The following NALCN variants were observed in gnomAD, a reference collection of about 807,000 sequenced individuals.
NALCN encodes the protein sodium leak channel NALCN.
NALCN carries 111 observed loss-of-function variants against 225.3 expected under a neutral mutation model. The ratio of observed to expected loss-of-function variants is 0.49; its 90% confidence interval spans 0.42 to 0.58. The LOEUF (loss-of-function observed/expected upper bound fraction) is 0.58, where lower values mean the gene tolerates loss of function less well. Ranked by LOEUF, NALCN falls within the 20% of genes least tolerant of loss-of-function variation. NALCN has a pLI of 0.00. For missense variants in NALCN, 1,378 were observed against 2,202.4 expected (o/e 0.63, Z 7.49); for synonymous variants, 764 against 769.0 (o/e 0.99, Z 0.11).
At chr13:101,103,576 G>C (rs2034942319) in intron 25 of NALCN, among the ~76,000 whole-genome samples, 1 of 152,166 alleles carries the variant, frequency 6.6e-6, no homozygotes, top group Non-Finnish European at 1.5e-5. Flanking sequence ...GTGTGTGTGT[G>C]TGTACACCAG....
chr13:101,372,732 T>C (rs2046575344), intron 6 of NALCN, among the ~76,000 whole-genome samples: 1 of 152,120 alleles, frequency 6.6e-6, no homozygotes, highest in Non-Finnish European at 1.5e-5. Flanking sequence ...TATTTTTAAA[T>C]TATTGTATTA....
intron 7 of NALCN, among the ~76,000 whole-genome samples, chr13:101,327,236 G>A (rs1023475707): frequency 6.6e-6 from 1 of 152,004 alleles, no homozygotes; most frequent in East Asian, 1.9e-4. Context: ...CAATGATAGC[G>A]CTTTTGCATG....
chr13:101,171,228 CTG>C (rs1322470559), intron 15 of NALCN, among the ~76,000 whole-genome samples: 1 of 148,526 alleles, frequency 6.7e-6, no homozygotes, highest in Non-Finnish European at 1.5e-5. Context: ...TTTTTATATA[CTG>C]TTACATATAT....
intron 15 of NALCN, among the ~76,000 whole-genome samples, chr13:101,167,273 T>C (rs942863236): frequency 1.9e-4 from 29 of 152,226 alleles, no homozygotes; most frequent in African/African-American, 5.8e-4. Flanking sequence ...TTACGAAAGA[T>C]TGCATTGAAT....
At chr13:101,200,699 T>C (rs894275821) in intron 13 of NALCN, among the ~76,000 whole-genome samples, 2 of 152,096 alleles carry the variant, frequency 1.3e-5, no homozygotes, top group African/African-American at 4.8e-5. Context: ...TAGCAGAAGA[T>C]CCTTTTCTCT....
chr13:101,354,962 G>A (rs1054864364), intron 6 of NALCN, among the ~76,000 whole-genome samples: 11 of 152,302 alleles, frequency 7.2e-5, no homozygotes, highest in African/African-American at 2.4e-4. Flanking sequence ...CACAGGGGCA[G>A]AACCCTCATG....
At chr13:101,127,303 C>T (rs750996388) in intron 17 of NALCN, among the ~76,000 whole-genome samples, 10 of 152,086 alleles carry the variant, frequency 6.6e-5, no homozygotes, top group Admixed American at 2.0e-4. Context: ...CCAGAGGTAG[C>T]AGGAGAATCA....
At chr13:101,253,903 C>T (rs2042135095) in intron 11 of NALCN, among the ~76,000 whole-genome samples, 1 of 152,028 alleles carries the variant, frequency 6.6e-6, no homozygotes, top group Non-Finnish European at 1.5e-5. Flanking sequence ...CTCAAGACAT[C>T]TTTATAAACT....
chr13:101,143,150 G>T lies in NALCN; in HGVS notation c.2048C>A (p.Thr683Asn). ...GTGGTCGCAGGAGGAGGAAGAGGTG[G>T]TCGGGAGGCTTCTCAGGAGGCAACA... ...DTCCLLRSLP[T>N]TSSSSCDHSK... The change falls in exon 17 of 44, where the codon ACC becomes AAC. Residue 683 changes from threonine (T) to asparagine (N), a missense_variant. By Grantham distance (65) the Thr-to-Asn change is moderately conservative. This residue lies in a region of NALCN where 100 missense variants were observed against 89.4 expected (regional missense o/e 1.12). Coordinates refer to ENST00000251127, the MANE Select transcript of NALCN (RefSeq NM_052867.4). 6.2e-7 allele frequency: 1 copy of T among 1,614,124 alleles called. No homozygotes were observed. The highest frequency in any genetic ancestry group is 8.5e-7 in the Non-Finnish European group (1 of 1,180,018).
At chr13:101,404,568 T>C (rs185587942) in intron 1 of NALCN, among the ~76,000 whole-genome samples, 1 of 132,568 alleles carries the variant, frequency 7.5e-6, no homozygotes, top group Admixed American at 7.9e-5. Context: ...GCAGATGAAG[T>C]AGTAATTAGT....
chr13:101,114,597 T>G (rs763053954), intron 18 of NALCN, among the ~76,000 whole-genome samples: 2 of 152,126 alleles, frequency 1.3e-5, no homozygotes, highest in Non-Finnish European at 2.9e-5. Context: ...CACGAGGAAC[T>G]GAATCCACTA....
chr13:101,152,531 C>CA (rs2037701829), intron 15 of NALCN, among the ~76,000 whole-genome samples: 1 of 151,796 alleles, frequency 6.6e-6, no homozygotes, highest in Admixed American at 6.6e-5. Context: ...CTTTGTGCAA[C>CA]AACATAGATA....
In NALCN at chr13:101,107,697, C is replaced by A. The variant is rs1594218824; in HGVS notation, c.2456+1G>T. ...CCATGGGACACTGCAGCAACCTGTA[C>A]CTTTTCATCTCTGCTTGCTCCTTTT... On this transcript the variant is annotated splice_donor_variant, in intron 21 of 43. Coordinates refer to ENST00000251127, the MANE Select transcript of NALCN (RefSeq NM_052867.4). LOFTEE classifies it high-confidence loss of function. The A allele has an allele frequency of 6.2e-7, 1 of 1,613,898 alleles. No homozygotes were observed. Among genetic ancestry groups the A allele is most frequent in the South Asian group, 1.1e-5 (1 of 91,080 alleles).
intron 28 of NALCN, among the ~76,000 whole-genome samples, chr13:101,095,344 T>C (rs1186047777): frequency 6.6e-6 from 1 of 152,202 alleles, no homozygotes; most frequent in African/African-American, 2.4e-5. Context: ...ACTGAGATAA[T>C]ATTTCTCTAG....
intron 7 of NALCN, among the ~76,000 whole-genome samples, chr13:101,298,103 T>C (rs778406500): frequency 6.3e-4 from 96 of 152,224 alleles, no homozygotes; most frequent in Non-Finnish European, 1.1e-3. Flanking sequence ...TGTGGAAGTG[T>C]ATGATCCTAA....
chr13:101,136,314 A>ATTTATT (rs61142230), intron 17 of NALCN, among the ~76,000 whole-genome samples: 1,985 of 74,220 alleles, frequency 0.027, 29 homozygotes, highest in African/African-American at 0.039. Flanking sequence ...TTATTTATTT[A>ATTTATT]TATATTATAC....
chr13:101,127,403 G>A (rs574470485), intron 17 of NALCN, among the ~76,000 whole-genome samples: 4 of 152,168 alleles, frequency 2.6e-5, no homozygotes, highest in African/African-American at 9.7e-5. Flanking sequence ...CTGTTGCCCA[G>A]GTTGGAGGGC....
intron 28 of NALCN, among the ~76,000 whole-genome samples, chr13:101,092,570 G>T (rs1357140554): frequency 6.6e-6 from 1 of 152,132 alleles, no homozygotes; most frequent in African/African-American, 2.4e-5. Flanking sequence ...CCTTCAAAAG[G>T]TAACCAGTGT....
intron 12 of NALCN, among the ~76,000 whole-genome samples, chr13:101,233,342 T>C (rs1247734702): frequency 1.3e-5 from 2 of 150,370 alleles, no homozygotes. Context: ...GGGAAGAATT[T>C]TTTTTTTTTT....
Sources: gnomAD v4.1 joint callset for allele counts (sites outside exome capture counted in the v4.1 genomes callset) on GRCh38, gnomAD v4.1.1 for gene constraint, gnomAD v4.1.1 regional missense constraint, MANE v1.5 for transcripts, NCBI Gene and HGNC (gene_info 2026-07-23, HGNC 2026-07-21) for gene names.